The following KCNQ1OT1 variants were observed in gnomAD, a reference collection of about 807,000 sequenced individuals.
KCNQ1OT1 encodes KCNQ1 antisense RNA 2 (non-protein coding).
Position 2,614,252 on chromosome 11 carries a change from C to T in KCNQ1OT1, n.85743G>A, listed in dbSNP as rs771736476. ...CCACTATAGCTGCTGCTCTGGACTA[C>T]CTATTTCTGACATGTGTTCTCCATG... is the stretch of plus-strand genomic sequence containing the variant. On this transcript the variant is annotated non_coding_transcript_exon_variant, in exon 1 of 1. Coordinates refer to ENST00000597346, the Ensembl canonical transcript of KCNQ1OT1. 1.0e-4 allele frequency: 41 copies of T among 398,456 alleles called. No individual in the cohort carries two copies. The highest frequency in any genetic ancestry group is 1.6e-4 in the Non-Finnish European group (36 of 226,062). The allele number at this position is 398,456 out of a possible 1,614,324, so 24.7% of individuals were successfully genotyped here. A position where few individuals can be genotyped will look rare whatever the true frequency, so the allele number is the denominator to read the frequency against.
exon 1 of KCNQ1OT1, chr11:2,688,383 T>A (rs548882329): frequency 2.5e-6 from 1 of 398,756 alleles, no homozygotes; most frequent in Non-Finnish European, 4.4e-6. Flanking sequence ...GAGGTTTCAA[T>A]AACTGCCATC....
At position 2,669,663 on chromosome 11, in the gene KCNQ1OT1, A is replaced by C; in HGVS notation, n.30332T>G. ...TGTATACATTGGGAGTATATCTCAC[A>C]GTATTAGTGTAAGGCCTTGAGGAGA... On this transcript the variant is annotated non_coding_transcript_exon_variant, in exon 1 of 1. Coordinates refer to ENST00000597346, the Ensembl canonical transcript of KCNQ1OT1. This position sits in a 1 kb window ranked among gnomAD's most constrained non-coding sequence, Gnocchi z 5.6. 2.5e-6 allele frequency: 1 copy of C among 398,626 alleles called. No individual in the cohort carries two copies. The highest frequency in any genetic ancestry group is 4.4e-6 in the Non-Finnish European group (1 of 226,070). The allele number at this position is 398,626 out of a possible 1,614,324, so 24.7% of individuals were successfully genotyped here. A position where few individuals can be genotyped will look rare whatever the true frequency, so the allele number is the denominator to read the frequency against.
rs1590012319 is a variant in KCNQ1OT1 at position 2,659,103 on chromosome 11, C to T, written n.40892G>A. The T allele has an allele frequency of 1.0e-5, 4 of 398,560 alleles. No homozygotes were observed. Among genetic ancestry groups the T allele is most frequent in the South Asian group, 2.5e-4 (2 of 7,848 alleles). The allele number at this position is 398,560 out of a possible 1,614,324, so 24.7% of individuals were successfully genotyped here. A position where few individuals can be genotyped will look rare whatever the true frequency, so the allele number is the denominator to read the frequency against. On this transcript the variant is annotated non_coding_transcript_exon_variant, in exon 1 of 1. Coordinates refer to ENST00000597346, the Ensembl canonical transcript of KCNQ1OT1. The surrounding 1 kb of genome is among the most constrained non-coding windows in gnomAD (Gnocchi z 4.3). ...TTTCATCGTAGGGTCCTCCAACATCCGGGTTAATTTTTTAAATTTGCATAC... is the reference window on the plus strand; with the variant it reads ...TTTCATCGTAGGGTCCTCCAACATCTGGGTTAATTTTTTAAATTTGCATAC...
exon 1 of KCNQ1OT1, chr11:2,635,142 T>A (rs1430880996): frequency 6.6e-6 from 1 of 152,204 alleles, no homozygotes; most frequent in Non-Finnish European, 1.5e-5. Context: ...GCCTATTCAC[T>A]CTGACGGTAG....
In KCNQ1OT1 at chr11:2,623,433, T is replaced by A. The variant is rs1424880947; in HGVS notation, n.76562A>T. The A allele has an allele frequency of 2.5e-6, 1 of 398,444 alleles. No individual in the cohort carries two copies. The highest frequency in any genetic ancestry group is 4.4e-6 in the Non-Finnish European group (1 of 226,068). The allele number at this position is 398,444 out of a possible 1,614,324, so 24.7% of individuals were successfully genotyped here. ...TGTGCACTGCCTATTCAACCCTTCT[T>A]CCCCAACAACCCTTGGCAACCACTG... On this transcript the variant is annotated non_coding_transcript_exon_variant, in exon 1 of 1. Transcript: ENST00000597346. This position sits in a 1 kb window ranked among gnomAD's most constrained non-coding sequence, Gnocchi z 5.2.
Position 2,699,643 on chromosome 11 carries a change from CAACCGCGCCGAAGAACCCCCGGGGAG to C in KCNQ1OT1, n.326_351del, listed in dbSNP as rs1295518153. 1.6e-4 allele frequency: 59 copies of C among 368,754 alleles called. No homozygotes were observed. Among genetic ancestry groups the C allele is most frequent in the Non-Finnish European group, 2.0e-4 (42 of 212,716 alleles). 22.8% of individuals were successfully genotyped at this position (368,754 alleles called of 1,614,324 possible). ...AACCGCGCCGAAGAACCCCCGGGGA[CAACCGCGCCGAAGAACCCCCGGGGAG>C]AACCGCGCCGAAAAGCCCCGGGTGC... On this transcript the variant is annotated non_coding_transcript_exon_variant, in exon 1 of 1. Transcript: ENST00000597346.
Position 2,657,087 on chromosome 11 carries a change from C to T in KCNQ1OT1, n.42908G>A. On this transcript the variant is annotated non_coding_transcript_exon_variant, in exon 1 of 1. Transcript: ENST00000597346. The surrounding 1 kb of genome is among the most constrained non-coding windows in gnomAD (Gnocchi z 4.8). ...TCCTGTCCCATTGGCCTATTTGTCTCTCCCTGTGTCAATACCACATTGCCC... is the reference window on the plus strand; with the variant it reads ...TCCTGTCCCATTGGCCTATTTGTCTTTCCCTGTGTCAATACCACATTGCCC... 5.0e-6 allele frequency: 2 copies of T among 398,630 alleles called. No individual in the cohort carries two copies. The highest frequency in any genetic ancestry group is 8.8e-6 in the Non-Finnish European group (2 of 226,068). 24.7% of individuals were successfully genotyped at this position (398,630 alleles called of 1,614,324 possible). A position where few individuals can be genotyped will look rare whatever the true frequency, so the allele number is the denominator to read the frequency against.
Position 2,622,694 on chromosome 11 carries a change from G to T in KCNQ1OT1, n.77301C>A, listed in dbSNP as rs1345296226. 3 of 398,342 alleles carry T rather than the reference G, an allele frequency of 7.5e-6. No individual in the cohort carries two copies. In the Admixed American group the frequency reaches 1.3e-4, roughly 18 times the overall value. 24.7% of individuals were successfully genotyped at this position (398,342 alleles called of 1,614,324 possible). On this transcript the variant is annotated non_coding_transcript_exon_variant, in exon 1 of 1. Transcript: ENST00000597346. ...ATTATGATTCTCTATTCGATTGTCT[G>T]TATGTGTGTATGTGTATTTTAAAGA... is the stretch of plus-strand genomic sequence containing the variant.
chr11:2,629,892 T>G (rs1849325434), exon 1 of KCNQ1OT1: 1 of 398,314 alleles, frequency 2.5e-6, no homozygotes. Flanking sequence ...ACTTCCTTCT[T>G]TCTGATTTGA....
rs947075234 is a variant in KCNQ1OT1, at chr11:2,691,666, A to G, written n.8329T>C. 12 of 398,470 alleles carry G rather than the reference A, an allele frequency of 3.0e-5. No individual in the cohort carries two copies. The highest frequency in any genetic ancestry group is 5.3e-5 in the Non-Finnish European group (12 of 226,088). 24.7% of individuals were successfully genotyped at this position (398,470 alleles called of 1,614,324 possible). A position where few individuals can be genotyped will look rare whatever the true frequency, so the allele number is the denominator to read the frequency against. The stretch of plus-strand genomic sequence containing the variant: ...ACCGCCACAGTTCCAAGGGTGAAAC[A>G]GAGAACCAGGTGGGGAAGGGGTCTC... On this transcript the variant is annotated non_coding_transcript_exon_variant, in exon 1 of 1. Coordinates refer to ENST00000597346, the Ensembl canonical transcript of KCNQ1OT1. This position sits in a 1 kb window ranked among gnomAD's most constrained non-coding sequence, Gnocchi z 6.4.
chr11:2,683,566 G>C lies in KCNQ1OT1; in HGVS notation n.16429C>G, dbSNP rs920270481. 7 of 398,516 alleles carry C rather than the reference G, an allele frequency of 1.8e-5. No homozygotes were observed. The highest frequency in any genetic ancestry group is 1.2e-4 in the African/African-American group (6 of 48,626). 24.7% of individuals were successfully genotyped at this position (398,516 alleles called of 1,614,324 possible). A position where few individuals can be genotyped will look rare whatever the true frequency, so the allele number is the denominator to read the frequency against. ...AGGTAGAAGCCCCTACCTACTGACTGGCATCACAAACACTGCCCTGAAATG... is the reference window on the plus strand; with the variant it reads ...AGGTAGAAGCCCCTACCTACTGACTCGCATCACAAACACTGCCCTGAAATG... On this transcript the variant is annotated non_coding_transcript_exon_variant, in exon 1 of 1. Coordinates refer to ENST00000597346, the Ensembl canonical transcript of KCNQ1OT1. The surrounding 1 kb of genome is among the most constrained non-coding windows in gnomAD (Gnocchi z 4.7).
At chr11:2,665,136 C>G (rs1850042470) in exon 1 of KCNQ1OT1, 1 of 398,540 alleles carries the variant, frequency 2.5e-6, no homozygotes, top group South Asian at 1.3e-4. Context: ...GTGGGCCCTA[C>G]TGCTCAGCCT....
rs140327302 is a variant in KCNQ1OT1, at chr11:2,642,073, A to G, written n.57922T>C. On this transcript the variant is annotated non_coding_transcript_exon_variant, in exon 1 of 1. Transcript: ENST00000597346. This position sits in a 1 kb window ranked among gnomAD's most constrained non-coding sequence, Gnocchi z 4.3. Reference sequence around the variant, plus strand: ...GCAGTGTGATGCATCCAACTTTGTTATTTTTGCTCAGAATTGCTGTGGCTA... The same window carrying G: ...GCAGTGTGATGCATCCAACTTTGTTGTTTTTGCTCAGAATTGCTGTGGCTA... 3 of 398,224 alleles carry G rather than the reference A, an allele frequency of 7.5e-6. No homozygotes were observed. Among genetic ancestry groups the G allele is most frequent in the African/African-American group, 6.2e-5 (3 of 48,700 alleles). The allele number at this position is 398,224 out of a possible 1,614,324, so 24.7% of individuals were successfully genotyped here. A position where few individuals can be genotyped will look rare whatever the true frequency, so the allele number is the denominator to read the frequency against.
chr11:2,633,628 T>A, exon 1 of KCNQ1OT1: 1 of 398,592 alleles, frequency 2.5e-6, no homozygotes, highest in Non-Finnish European at 4.4e-6. Flanking sequence ...TGGTGTCCTT[T>A]CCCCAGAGTG....
Position 2,676,253 on chromosome 11 carries a change from A to G in KCNQ1OT1, n.23742T>C. On this transcript the variant is annotated non_coding_transcript_exon_variant, in exon 1 of 1. Coordinates refer to ENST00000597346, the Ensembl canonical transcript of KCNQ1OT1. This position sits in a 1 kb window ranked among gnomAD's most constrained non-coding sequence, Gnocchi z 4.2. ...TTATTATGGTGCAGTACATCTGAGA[A>G]GCATTTTTATTGCAAAATGTGTGTT... 2.5e-6 allele frequency: 1 copy of G among 398,662 alleles called. No homozygotes were observed. Among genetic ancestry groups the G allele is most frequent in the Non-Finnish European group, 4.4e-6 (1 of 226,074 alleles). 24.7% of individuals were successfully genotyped at this position (398,662 alleles called of 1,614,324 possible). A position where few individuals can be genotyped will look rare whatever the true frequency, so the allele number is the denominator to read the frequency against.
exon 1 of KCNQ1OT1, chr11:2,666,368 C>T (rs1472996854): frequency 5.0e-6 from 2 of 398,558 alleles, no homozygotes; most frequent in Non-Finnish European, 8.8e-6. Flanking sequence ...TGCCTGGCCT[C>T]TTGTGACATG....
Position 2,621,527 on chromosome 11 carries a change from G to A in KCNQ1OT1, n.78468C>T. 1 of 398,382 alleles carries A rather than the reference G, an allele frequency of 2.5e-6. No homozygotes were observed. Among genetic ancestry groups the A allele is most frequent in the Non-Finnish European group, 4.4e-6 (1 of 226,018 alleles). 24.7% of individuals were successfully genotyped at this position (398,382 alleles called of 1,614,324 possible). A position where few individuals can be genotyped will look rare whatever the true frequency, so the allele number is the denominator to read the frequency against. On this transcript the variant is annotated non_coding_transcript_exon_variant, in exon 1 of 1. Transcript: ENST00000597346. This position sits in a 1 kb window ranked among gnomAD's most constrained non-coding sequence, Gnocchi z 5.7. ...GTTTACTCTGTTGATAATTTCTTTT[G>A]CTATGCAGAAGCTCTTTAGTTTACC...
chr11:2,648,713 G>A (rs1184254535), exon 1 of KCNQ1OT1: 2 of 398,376 alleles, frequency 5.0e-6, no homozygotes, highest in African/African-American at 2.1e-5. Flanking sequence ...CCTGGAGAAT[G>A]TGCTGTGTGC....
chr11:2,663,881 G>T lies in KCNQ1OT1; in HGVS notation n.36114C>A. 1 of 398,696 alleles carries T rather than the reference G, an allele frequency of 2.5e-6. No homozygotes were observed. The highest frequency in any genetic ancestry group is 1.3e-4 in the South Asian group (1 of 7,830). 24.7% of individuals were successfully genotyped at this position (398,696 alleles called of 1,614,324 possible). On this transcript the variant is annotated non_coding_transcript_exon_variant, in exon 1 of 1. Coordinates refer to ENST00000597346, the Ensembl canonical transcript of KCNQ1OT1. This position sits in a 1 kb window ranked among gnomAD's most constrained non-coding sequence, Gnocchi z 5.2. Reference sequence around the variant, plus strand: ...AGAGGTTACCCACCTGCCCAAGGGTGACCCCAAGCCAGTGTGGCTGTGTCA... The same window carrying T: ...AGAGGTTACCCACCTGCCCAAGGGTTACCCCAAGCCAGTGTGGCTGTGTCA...
Sources: allele counts gnomAD v4.1 joint callset, GRCh38; gene constraint gnomAD v4.1.1; non-coding constraint Gnocchi (gnomAD v3.1); transcripts MANE v1.5; gene names NCBI Gene and HGNC (gene_info 2026-07-23, HGNC 2026-07-21).